ZCWPW2: variants seen among roughly 807,000 people sequenced by gnomAD.
The protein encoded by ZCWPW2 is zinc finger CW-type PWWP domain protein 2.
In ZCWPW2, 45 loss-of-function variants were observed where a neutral mutation model predicts 46.6. That is an observed-to-expected ratio of 0.96 (90% confidence interval 0.76 to 1.24). ZCWPW2 has a LOEUF of 1.24. Ranked by LOEUF, ZCWPW2 falls within the 50% of genes most tolerant of loss-of-function variation. The pLI, the probability that ZCWPW2 is intolerant of heterozygous loss-of-function variation, is 0.00. For missense variants in ZCWPW2, 429 were observed against 403.9 expected (o/e 1.06, Z -0.53); for synonymous variants, 152 against 137.1 (o/e 1.11, Z -0.76).
intron 6 of ZCWPW2, among the ~76,000 whole-genome samples, chr3:28,500,207 A>G (rs1700105072): frequency 2.0e-5 from 3 of 152,118 alleles, no homozygotes; most frequent in African/African-American, 7.2e-5. Flanking sequence ...TTAGTATAAT[A>G]AAGATGTTGT....
chr3:28,420,330 T>G (rs147897230), intron 3 of ZCWPW2, among the ~76,000 whole-genome samples: 1,608 of 152,274 alleles, frequency 0.011, 25 homozygotes, highest in African/African-American at 0.037. Flanking sequence ...GAGATTCTGG[T>G]ATGCTGTGTC....
chr3:28,352,418 A>G (rs1704587655), intron 1 of ZCWPW2, among the ~76,000 whole-genome samples: 1 of 152,092 alleles, frequency 6.6e-6, no homozygotes, highest in African/African-American at 2.4e-5. Flanking sequence ...GTACTGAACT[A>G]GACATCTTTT....
intron 1 of ZCWPW2, among the ~76,000 whole-genome samples, chr3:28,384,804 C>G (rs553942868): frequency 6.6e-6 from 1 of 151,804 alleles, no homozygotes; most frequent in Admixed American, 6.6e-5. Flanking sequence ...TTAGTAGAGA[C>G]GGGGTTTTAC....
At chr3:28,384,673 G>A (rs1695209722) in intron 1 of ZCWPW2, among the ~76,000 whole-genome samples, 1 of 150,448 alleles carries the variant, frequency 6.6e-6, no homozygotes, top group South Asian at 2.1e-4. Flanking sequence ...AGTGCAGTGG[G>A]ACCATGTTGG....
At chr3:28,495,205 A>T (rs1268625969) in intron 6 of ZCWPW2, among the ~76,000 whole-genome samples, 1 of 152,108 alleles carries the variant, frequency 6.6e-6, no homozygotes, top group Non-Finnish European at 1.5e-5. Flanking sequence ...TAACCAAAAC[A>T]GCAGGAATCT....
In ZCWPW2 at chr3:28,349,125, A is replaced by C. The variant is rs1388886746; in HGVS notation, c.-212A>C. ...GAAGTGCAGGAGTGGCGCGCGGCGTACTACATGTCCCGTGAGCCTCCGCGG... is the reference window on the plus strand; with the variant it reads ...GAAGTGCAGGAGTGGCGCGCGGCGTCCTACATGTCCCGTGAGCCTCCGCGG... On this transcript the variant is annotated 5_prime_UTR_variant, in exon 1 of 10. Coordinates refer to ENST00000383768, the MANE Select transcript of ZCWPW2 (RefSeq NM_001040432.4). 1.0e-6 allele frequency: 1 copy of C among 985,584 alleles called. No individual in the cohort carries two copies. Among genetic ancestry groups the C allele is most frequent in the Non-Finnish European group, 1.2e-6 (1 of 830,228 alleles). The allele number at this position is 985,584 out of a possible 1,614,324, so 61.1% of individuals were successfully genotyped here. A position where few individuals can be genotyped will look rare whatever the true frequency, so the allele number is the denominator to read the frequency against.
intron 6 of ZCWPW2, among the ~76,000 whole-genome samples, chr3:28,510,251 T>G (rs1700390507): frequency 6.6e-6 from 1 of 152,178 alleles, no homozygotes; most frequent in Admixed American, 6.6e-5. Context: ...GACCACCTTC[T>G]TTTAGCTACA....
chr3:28,448,107 A>T (rs1186862850), intron 4 of ZCWPW2: 2 of 210,394 alleles, frequency 9.5e-6, no homozygotes, highest in Non-Finnish European at 2.0e-5. Context: ...GGGTAATAAA[A>T]ATTAAAAGGC....
In ZCWPW2 at chr3:28,365,614, T is replaced by G. The variant is rs1163113458; in HGVS notation, c.-134+16411T>G. Among the ~76,000 whole-genome samples, 13 of 141,076 alleles carry G rather than the reference T, an allele frequency of 9.2e-5. 3 individuals carry two copies. Among genetic ancestry groups the G allele is most frequent in the East Asian group, 2.0e-4 (1 of 5,120 alleles). The allele number at this position is 141,076 out of a possible 152,430, so 92.6% of individuals were successfully genotyped here. ...CAGCTTTGTTCTTTTGGCTTAGGAT[T>G]GACTTGGCAATGCGGGCTCTTCTTT... On this transcript the variant is annotated intron_variant, in intron 1 of 9. Coordinates refer to ENST00000383768, the MANE Select transcript of ZCWPW2 (RefSeq NM_001040432.4).
At chr3:28,402,609 A>C (rs2125729849) in intron 2 of ZCWPW2, among the ~76,000 whole-genome samples, 1 of 152,284 alleles carries the variant, frequency 6.6e-6, no homozygotes, top group African/African-American at 2.4e-5. Flanking sequence ...AAAAAAGAAA[A>C]CTACAGACCG....
chr3:28,467,308 T>C (rs1239077467), intron 4 of ZCWPW2, among the ~76,000 whole-genome samples: 1 of 149,836 alleles, frequency 6.7e-6, no homozygotes, highest in Non-Finnish European at 1.5e-5. Flanking sequence ...AGGAGAATAT[T>C]TGTAGTACAT....
At chr3:28,379,619 T>G (rs1364814520) in intron 1 of ZCWPW2, among the ~76,000 whole-genome samples, 8 of 152,230 alleles carry the variant, frequency 5.3e-5, no homozygotes, top group African/African-American at 4.8e-5. Context: ...AAAACATTTT[T>G]TTTTTACACT....
At chr3:28,484,356 A>G (rs751207001) in intron 5 of ZCWPW2, among the ~76,000 whole-genome samples, 105 of 152,170 alleles carry the variant, frequency 6.9e-4, no homozygotes, top group Non-Finnish European at 5.4e-4. Context: ...GAGAATTGGC[A>G]TAATTTCTTC....
intron 6 of ZCWPW2, among the ~76,000 whole-genome samples, chr3:28,512,565 C>T (rs1458041754): frequency 6.6e-6 from 1 of 152,136 alleles, no homozygotes; most frequent in Non-Finnish European, 1.5e-5. Flanking sequence ...TATGCAACTC[C>T]TTTCAGAAAT....
rs117358359 is a variant in ZCWPW2 at position 28,510,863 on chromosome 3, G to A, written c.658-3201G>A. 5.1e-4 allele frequency: 146 copies of A among 283,984 alleles called. 1 individual carries two copies. The East Asian group carries it at 0.011, about 22-fold the overall frequency. The allele number at this position is 283,984 out of a possible 1,614,324, so 17.6% of individuals were successfully genotyped here. On this transcript the variant is annotated intron_variant, in intron 6 of 9. Transcript: ENST00000383768. ...ATGATGATGTACAAATGTCTTAACTGTATTAGTCATTTACAAACACTGTGC... is the reference window on the plus strand; with the variant it reads ...ATGATGATGTACAAATGTCTTAACTATATTAGTCATTTACAAACACTGTGC...
At chr3:28,406,059 T>C (rs1696145783) in intron 2 of ZCWPW2, among the ~76,000 whole-genome samples, 1 of 152,164 alleles carries the variant, frequency 6.6e-6, no homozygotes, top group Admixed American at 6.5e-5. Flanking sequence ...AGTGATTAAA[T>C]TGAATATTTG....
intron 6 of ZCWPW2, among the ~76,000 whole-genome samples, chr3:28,507,689 T>A (rs1383952803): frequency 6.6e-6 from 1 of 152,156 alleles, no homozygotes; most frequent in East Asian, 1.9e-4. Context: ...AACCAGTAGG[T>A]GGTCAAATTT....
chr3:28,426,948 T>C (rs925293030), intron 3 of ZCWPW2, among the ~76,000 whole-genome samples: 1 of 152,196 alleles, frequency 6.6e-6, no homozygotes, highest in Non-Finnish European at 1.5e-5. Flanking sequence ...ATAACAAATA[T>C]GTAAGACATG....
At chr3:28,499,909 G>T (rs572740105) in intron 6 of ZCWPW2, among the ~76,000 whole-genome samples, 1 of 152,120 alleles carries the variant, frequency 6.6e-6, no homozygotes, top group Admixed American at 6.6e-5. Flanking sequence ...ATGTTTTGTA[G>T]TTCCTTTTCT....
Sources: gnomAD v4.1 joint callset for allele counts (sites outside exome capture counted in the v4.1 genomes callset) on GRCh38, gnomAD v4.1.1 for gene constraint, MANE v1.5 for transcripts, NCBI Gene and HGNC (gene_info 2026-07-23, HGNC 2026-07-21) for gene names.